The following LRP1B variants were observed in gnomAD, a reference collection of about 807,000 sequenced individuals.
LRP1B encodes the protein LDL receptor related protein 1B, also known as low-density lipoprotein receptor-related protein 1B.
Under a neutral mutation model 556.6 loss-of-function variants are expected in LRP1B, and 217 were observed. That is an observed-to-expected ratio of 0.39 (90% CI 0.35 to 0.44). The LOEUF is 0.44. LRP1B is among the 20% of genes least tolerant of loss of function. LRP1B has a pLI of 1.00. For missense variants in LRP1B, 5,053 were observed against 5,620.8 expected, an observed-to-expected ratio of 0.90 and a Z score of 3.23; for synonymous variants, 2,047 against 1,865.8, an observed-to-expected ratio of 1.10 and a Z score of -2.50.
intron 2 of LRP1B, among the ~76,000 whole-genome samples, chr2:141,772,203 GA>G (rs1279173275): frequency 6.6e-6 from 1 of 152,090 alleles, no homozygotes; most frequent in East Asian, 1.9e-4. Flanking sequence ...CCTGCACCCC[GA>G]TCTTGGACAT....
intron 2 of LRP1B, among the ~76,000 whole-genome samples, chr2:141,709,291 G>T (rs1182676520): frequency 6.6e-6 from 1 of 152,010 alleles, no homozygotes; most frequent in Non-Finnish European, 1.5e-5. Flanking sequence ...AGAAGTTGCA[G>T]TGAGCCAAGA....
At chr2:140,762,333 T>C (rs2104918288) in intron 35 of LRP1B, among the ~76,000 whole-genome samples, 1 of 152,218 alleles carries the variant, frequency 6.6e-6, no homozygotes, top group Non-Finnish European at 1.5e-5. Context: ...TCATATCTCA[T>C]CCTGAAACCC....
chr2:140,865,622 C>T (rs1440824626), intron 27 of LRP1B, among the ~76,000 whole-genome samples: 1 of 152,074 alleles, frequency 6.6e-6, no homozygotes, highest in Non-Finnish European at 1.5e-5. Context: ...GTAGAATGTT[C>T]TCTGATCACT....
chr2:140,700,137 T>C (rs1686580170), intron 41 of LRP1B, 113 bp downstream of exon 41: 1 of 980,614 alleles, frequency 1.0e-6, no homozygotes, highest in Non-Finnish European at 1.5e-6. Context: ...CATTCATTCC[T>C]GAATATAAAA....
chr2:140,621,479 T>TG (rs1172159607), intron 41 of LRP1B, among the ~76,000 whole-genome samples: 1 of 151,566 alleles, frequency 6.6e-6, no homozygotes. Flanking sequence ...GAAACAACAT[T>TG]TTTTTTAATT....
chr2:140,683,918 GC>G (rs967442836), intron 41 of LRP1B: 10 of 469,278 alleles, frequency 2.1e-5, no homozygotes, highest in African/African-American at 1.8e-4. Context: ...CCCGCGGCTT[GC>G]CCCCCTGGAT....
At chr2:140,883,536 A>G (rs1693538557) in intron 25 of LRP1B, among the ~76,000 whole-genome samples, 1 of 151,006 alleles carries the variant, frequency 6.6e-6, no homozygotes. Context: ...ATAGCTTCCA[A>G]TAGGGCCTAA....
At chr2:141,622,309 T>C (rs1410469653) in intron 2 of LRP1B, among the ~76,000 whole-genome samples, 1 of 152,242 alleles carries the variant, frequency 6.6e-6, no homozygotes, top group African/African-American at 2.4e-5. Flanking sequence ...AAATTGCTCA[T>C]CTATGAATAT....
intron 23 of LRP1B, among the ~76,000 whole-genome samples, chr2:140,893,907 G>A (rs1046182042): frequency 6.6e-5 from 10 of 152,112 alleles, no homozygotes; most frequent in African/African-American, 2.2e-4. Context: ...GCCTAAAGTC[G>A]AAACCCACAG....
intron 3 of LRP1B, among the ~76,000 whole-genome samples, chr2:141,338,554 T>A (rs1687934324): frequency 6.6e-6 from 1 of 152,152 alleles, no homozygotes; most frequent in Non-Finnish European, 1.5e-5. Flanking sequence ...GTATCAGAGT[T>A]CTAATTAGCT....
At chr2:141,590,340 T>C (rs1687292788) in intron 2 of LRP1B, among the ~76,000 whole-genome samples, 1 of 152,186 alleles carries the variant, frequency 6.6e-6, no homozygotes, top group Non-Finnish European at 1.5e-5. Context: ...TTTAATACTT[T>C]CGCCTATTCC....
rs1693012596 is a variant in LRP1B, at chr2:140,868,203, A to G, written c.4230T>C (p.Ser1410=). The change falls in exon 26 of 91, where the codon AGT becomes AGC. Residue 1410 remains serine, a synonymous_variant. Coordinates refer to ENST00000389484, the MANE Select transcript of LRP1B (RefSeq NM_018557.3). The stretch of plus-strand genomic sequence containing the variant: ...TATAGATGGTTTTTCTCCCAGCACC[A>G]CTCATAGAGGCAGATTCAATGCGAG... The part of the protein sequence containing the change: ...NFPRIESASM[S]GAGRKTIYKD... 3 of 1,608,762 alleles carry G rather than the reference A, an allele frequency of 1.9e-6. No homozygotes were observed. Among genetic ancestry groups the G allele is most frequent in the African/African-American group, 2.7e-5 (2 of 74,136 alleles).
chr2:141,838,073 T>G (rs533249692), intron 1 of LRP1B, among the ~76,000 whole-genome samples: 49 of 152,230 alleles, frequency 3.2e-4, no homozygotes, highest in African/African-American at 1.1e-3. Flanking sequence ...CCACAATCTC[T>G]TATCTCATAT....
intron 2 of LRP1B, among the ~76,000 whole-genome samples, chr2:141,776,370 C>T (rs1469447283): frequency 6.6e-6 from 1 of 152,216 alleles, no homozygotes; most frequent in African/African-American, 2.4e-5. Flanking sequence ...GCGAGAGCCA[C>T]TCCATATATT....
chr2:141,609,826 T>G (rs1688041762), intron 2 of LRP1B, among the ~76,000 whole-genome samples: 3 of 152,246 alleles, frequency 2.0e-5, no homozygotes, highest in Admixed American at 1.3e-4. Context: ...TGCCTGCTTT[T>G]ATTAGTCTTT....
Position 140,598,737 on chromosome 2 carries a change from A to G in LRP1B, c.7088T>C (p.Leu2363Pro), listed in dbSNP as rs1480504707. Residue 2363 changes from leucine to proline, a missense_variant, in exon 43 of 91, where the codon CTC becomes CCC. Leu to Pro is a moderately conservative substitution (Grantham distance 98). Transcript: ENST00000389484. ...NAQVVVSTDI[L>P]TPNGLTIDYR... ...GTCGATAGTAAGTCCATTTGGAGTG[A>G]GTATGTCTGTACTGACCACCACTTG... The G allele has an allele frequency of 6.2e-7, 1 of 1,613,302 alleles. No individual in the cohort carries two copies. The highest frequency in any genetic ancestry group is 8.5e-7 in the Non-Finnish European group (1 of 1,179,354).
intron 25 of LRP1B, among the ~76,000 whole-genome samples, chr2:140,877,691 A>T (rs954604223): frequency 6.6e-6 from 1 of 152,092 alleles, no homozygotes; most frequent in Admixed American, 6.5e-5. Flanking sequence ...TGTCTTATCT[A>T]CCTTGACCTG....
rs561511906 is a variant in LRP1B, at chr2:140,937,281, C to T, written c.3136+12954G>A. ...CAAGACTTAATAAAGGAAGGAAATA[C>T]GGACATATGCTACAGTATGGAAGAA... On this transcript the variant is annotated intron_variant, in intron 20 of 90. Transcript: ENST00000389484. Among the ~76,000 whole-genome samples, 39 of 152,100 alleles carry T rather than the reference C, an allele frequency of 2.6e-4. 1 individual carries two copies. The highest frequency in any genetic ancestry group is 7.2e-4 in the African/African-American group (30 of 41,526).
intron 7 of LRP1B, among the ~76,000 whole-genome samples, chr2:141,113,710 C>G (rs968453678): frequency 6.6e-6 from 1 of 151,260 alleles, no homozygotes; most frequent in Non-Finnish European, 1.5e-5. Context: ...AAATTCATGG[C>G]AGAAAAATTA....
Sources: allele counts gnomAD v4.1 joint callset (sites outside exome capture counted in the v4.1 genomes callset), GRCh38; gene constraint gnomAD v4.1.1; transcripts MANE v1.5; gene names NCBI Gene and HGNC (gene_info 2026-07-23, HGNC 2026-07-21).